The following AP2M1 variants were observed in gnomAD, a reference collection of about 807,000 sequenced individuals.
The protein encoded by AP2M1 is AP-2 complex subunit mu.
In AP2M1, 5 loss-of-function variants were observed where a neutral mutation model predicts 54.5. The observed-to-expected ratio is 0.09, with a 90% CI of 0.05 to 0.19. AP2M1 has a LOEUF of 0.19. AP2M1 is among the 10% of genes least tolerant of loss of function. AP2M1 has a pLI of 1.00. For synonymous variants in AP2M1, 186 were observed against 208.2 expected, an observed-to-expected ratio of 0.89 and a Z score of 0.92; for missense variants, 178 against 580.2, an observed-to-expected ratio of 0.31 and a Z score of 7.12.
At chr3:184,179,292 A>G in intron 3 of AP2M1, 170 bp downstream of exon 3, 1 of 794,660 alleles carries the variant, frequency 1.3e-6, no homozygotes, top group Non-Finnish European at 1.9e-6. Flanking sequence ...GCCAGTTCAC[A>G]TCCAGACCTG....
Position 184,183,006 on chromosome 3 carries a change from A to G in AP2M1, c.1173+138A>G, listed in dbSNP as rs746214925. ...AGAACTGGCTTTAATTCATAGATCCATTCTTCCCCTTTCAAGCCTCTTAGT... is the reference window on the plus strand; with the variant it reads ...AGAACTGGCTTTAATTCATAGATCCGTTCTTCCCCTTTCAAGCCTCTTAGT... On this transcript the variant is annotated intron_variant, in intron 11 of 11. Coordinates refer to ENST00000292807, the MANE Select transcript of AP2M1 (RefSeq NM_004068.4). This position sits in a 1 kb window ranked among gnomAD's most constrained non-coding sequence, Gnocchi z 5.7. 4 of 758,712 alleles carry G rather than the reference A, an allele frequency of 5.3e-6. No individual in the cohort carries two copies. The highest frequency in any genetic ancestry group is 4.0e-5 in the Admixed American group (2 of 49,434). The allele number at this position is 758,712 out of a possible 1,614,324, so 47.0% of individuals were successfully genotyped here.
At position 184,177,004 on chromosome 3, in the gene AP2M1, G is replaced by T. The variant is rs1715095763; in HGVS notation, c.11G>T (p.Gly4Val). 6.2e-7 allele frequency: 1 copy of T among 1,613,754 alleles called. No individual in the cohort carries two copies. The highest frequency in any genetic ancestry group is 1.3e-5 in the African/African-American group (1 of 74,924). ...GACTGATCTGCCGCCATGATTGGAG[G>T]CTTATTCATCTATAATCACAAGGGG... MIG[G>V]LFIYNHKGEV... The change falls in exon 2 of 12, where the codon GGC becomes GTC. Residue 4 changes from glycine to valine, a missense_variant. Transcript: ENST00000292807.
Position 184,181,919 on chromosome 3 carries a change from A to T in AP2M1, c.835A>T (p.Thr279Ser), listed in dbSNP as rs764346596. ...DGEFELMRYR[T>S]TKDIILPFRV... Reference sequence around the variant, plus strand: ...TGCTTCCCATCCCTTAAGGTATCGCACAACCAAGGACATCATCCTTCCCTT... The same window carrying T: ...TGCTTCCCATCCCTTAAGGTATCGCTCAACCAAGGACATCATCCTTCCCTT... Residue 279 changes from threonine (T) to serine (S), a missense_variant, in exon 9 of 12, where the codon ACA becomes TCA. Coordinates refer to ENST00000292807, the MANE Select transcript of AP2M1 (RefSeq NM_004068.4). This position sits in a 1 kb window ranked among gnomAD's most constrained non-coding sequence, Gnocchi z 5.7. The T allele has an allele frequency of 6.2e-7, 1 of 1,614,098 alleles. No homozygotes were observed. The highest frequency in any genetic ancestry group is 8.5e-7 in the Non-Finnish European group (1 of 1,179,958).
chr3:184,176,363 G>A (rs1470846322), intron 1 of AP2M1, among the ~76,000 whole-genome samples: 1 of 152,122 alleles, frequency 6.6e-6, no homozygotes, highest in Non-Finnish European at 1.5e-5. Context: ...CCACACTCCC[G>A]GGTCCACATT....
At position 184,177,449 on chromosome 3, in the gene AP2M1, T is replaced by G. The variant is rs1029387898; in HGVS notation, c.74+382T>G. The G allele has an allele frequency of 1.3e-5, 16 of 1,216,092 alleles. No individual in the cohort carries two copies. The African/African-American group carries it at 2.3e-4, about 17-fold the overall frequency. 75.3% of individuals were successfully genotyped at this position (1,216,092 alleles called of 1,614,324 possible). A position where few individuals can be genotyped will look rare whatever the true frequency, so the allele number is the denominator to read the frequency against. On this transcript the variant is annotated intron_variant, in intron 2 of 11. Coordinates refer to ENST00000292807, the MANE Select transcript of AP2M1 (RefSeq NM_004068.4). ...TGGAGGCACTAATCCATCTAAGCCTTGCTCTCAGAAGCCCTTCCCATATCA... is the reference window on the plus strand; with the variant it reads ...TGGAGGCACTAATCCATCTAAGCCTGGCTCTCAGAAGCCCTTCCCATATCA...
intron 2 of AP2M1, chr3:184,177,760 G>A (rs1221509049): frequency 6.8e-6 from 5 of 731,326 alleles, no homozygotes; most frequent in African/African-American, 1.8e-5. Context: ...TGTTCTTTGC[G>A]ACTGAAGGGA....
At position 184,181,231 on chromosome 3, in the gene AP2M1, C is replaced by A; in HGVS notation, c.707+5C>A. ...AGCTGATGAAACAAGCAAGAGGTGC[C>A]TGAGGCAGGAGAGCTGGTGGGAGAG... On this transcript the variant is annotated splice_donor_5th_base_variant and intron_variant, in intron 7 of 11. Transcript: ENST00000292807. The surrounding 1 kb of genome is among the most constrained non-coding windows in gnomAD (Gnocchi z 5.7). The A allele has an allele frequency of 6.2e-7, 1 of 1,613,892 alleles. No individual in the cohort carries two copies. Among genetic ancestry groups the A allele is most frequent in the South Asian group, 1.1e-5 (1 of 90,858 alleles).
chr3:184,175,459 G>A (rs1403020737), intron 1 of AP2M1, among the ~76,000 whole-genome samples: 4 of 151,906 alleles, frequency 2.6e-5, no homozygotes, highest in Non-Finnish European at 4.4e-5. Context: ...TTCCCACAAT[G>A]TCCTCCCCAA....
At chr3:184,177,130 G>A (rs1715100410) in intron 2 of AP2M1, 63 bp downstream of exon 2, 1 of 1,525,718 alleles carries the variant, frequency 6.6e-7, no homozygotes, top group Admixed American at 1.8e-5. Flanking sequence ...CAGCATACAG[G>A]ATTAGGTCTT....
intron 2 of AP2M1, chr3:184,177,824 T>C: frequency 1.7e-6 from 1 of 596,238 alleles, no homozygotes; most frequent in Non-Finnish European, 3.0e-6. Context: ...TCCTGCTGCC[T>C]GTTTTTCTTC....
At position 184,180,769 on chromosome 3, in the gene AP2M1, G is replaced by A. The variant is rs752568023; in HGVS notation, c.430-80G>A. 10 of 1,614,070 alleles carry A rather than the reference G, an allele frequency of 6.2e-6. No homozygotes were observed. Among genetic ancestry groups the A allele is most frequent in the Non-Finnish European group, 6.8e-6 (8 of 1,180,000 alleles). On this transcript the variant is annotated intron_variant, in intron 5 of 11. Coordinates refer to ENST00000292807, the MANE Select transcript of AP2M1 (RefSeq NM_004068.4). The surrounding 1 kb of genome is among the most constrained non-coding windows in gnomAD (Gnocchi z 4.9). ...GGGGACTAGAAGGGATGGGGAATGA[G>A]GGTGGAGTGGGGATAGAGACAGGAT...
chr3:184,175,367 C>T (rs768729149), intron 1 of AP2M1, among the ~76,000 whole-genome samples: 2 of 152,092 alleles, frequency 1.3e-5, no homozygotes, highest in Non-Finnish European at 2.9e-5. Context: ...CATGCGGCAC[C>T]CCCTCCTCTT....
rs1715091610 is a variant in AP2M1, at chr3:184,176,915, T to A, written c.-43-36T>A. Reference sequence around the variant, plus strand: ...CCACAGGGGATGTTGGCAGCGATTCTGAGGTCTTCTTTTACCCTGCCCCCG... The same window carrying A: ...CCACAGGGGATGTTGGCAGCGATTCAGAGGTCTTCTTTTACCCTGCCCCCG... On this transcript the variant is annotated intron_variant, in intron 1 of 11. Transcript: ENST00000292807. The A allele has an allele frequency of 2.0e-6, 3 of 1,463,866 alleles. No homozygotes were observed. The Admixed American group carries it at 5.8e-5, about 28-fold the overall frequency. The allele number at this position is 1,463,866 out of a possible 1,614,324, so 90.7% of individuals were successfully genotyped here. A position where few individuals can be genotyped will look rare whatever the true frequency, so the allele number is the denominator to read the frequency against.
At position 184,181,501 on chromosome 3, in the gene AP2M1, A is replaced by C. The variant is rs1385457732; in HGVS notation, c.708-195A>C. 2 of 863,284 alleles carry C rather than the reference A, an allele frequency of 2.3e-6. No homozygotes were observed. Among genetic ancestry groups the C allele is most frequent in the Non-Finnish European group, 3.5e-6 (2 of 574,034 alleles). 53.5% of individuals were successfully genotyped at this position (863,284 alleles called of 1,614,324 possible). On this transcript the variant is annotated intron_variant, in intron 7 of 11. Transcript: ENST00000292807. This position sits in a 1 kb window ranked among gnomAD's most constrained non-coding sequence, Gnocchi z 5.7. The stretch of plus-strand genomic sequence containing the variant: ...GTGTGCCTGAAACACCCAGGTCCCT[A>C]GCAGAAGGAGCCCCAAGAGATGAGC...
rs1228885385 is a variant in AP2M1 at position 184,181,388 on chromosome 3, G to A, written c.707+162G>A. ...CGCTCTTGACATTAGTGCTACGAGAGATGAGGGGATCGTCCTCAGAGAGCA... is the reference window on the plus strand; with the variant it reads ...CGCTCTTGACATTAGTGCTACGAGAAATGAGGGGATCGTCCTCAGAGAGCA... On this transcript the variant is annotated intron_variant, in intron 7 of 11. Transcript: ENST00000292807. The surrounding 1 kb of genome is among the most constrained non-coding windows in gnomAD (Gnocchi z 5.7). The A allele has an allele frequency of 7.1e-6, 8 of 1,121,310 alleles. No individual in the cohort carries two copies. The Admixed American group carries it at 1.7e-4, about 24-fold the overall frequency. The allele number at this position is 1,121,310 out of a possible 1,614,324, so 69.5% of individuals were successfully genotyped here. A position where few individuals can be genotyped will look rare whatever the true frequency, so the allele number is the denominator to read the frequency against.
chr3:184,182,265 T>C lies in AP2M1; in HGVS notation c.1061+17T>C. ...CGTGTGGAAGTGAGTCTTTCCTTCA[T>C]TAGGCCACAGCAGGGCTCAAGATCC... is the stretch of plus-strand genomic sequence containing the variant. On this transcript the variant is annotated intron_variant, in intron 10 of 11. Coordinates refer to ENST00000292807, the MANE Select transcript of AP2M1 (RefSeq NM_004068.4). This position sits in a 1 kb window ranked among gnomAD's most constrained non-coding sequence, Gnocchi z 5.5. 1.2e-6 allele frequency: 2 copies of C among 1,612,450 alleles called. No individual in the cohort carries two copies. Among genetic ancestry groups the C allele is most frequent in the Non-Finnish European group, 1.7e-6 (2 of 1,179,230 alleles).
chr3:184,182,324 C>T lies in AP2M1; in HGVS notation c.1061+76C>T. 1 of 1,480,646 alleles carries T rather than the reference C, an allele frequency of 6.8e-7. No individual in the cohort carries two copies. The highest frequency in any genetic ancestry group is 1.3e-5 in the South Asian group (1 of 78,616). The allele number at this position is 1,480,646 out of a possible 1,614,324, so 91.7% of individuals were successfully genotyped here. ...CCTCTTGTTTTCAGCTTTGATCCTTCTGAATGAGGGGCAGGGGAGTGTGCC... is the reference window on the plus strand; with the variant it reads ...CCTCTTGTTTTCAGCTTTGATCCTTTTGAATGAGGGGCAGGGGAGTGTGCC... On this transcript the variant is annotated intron_variant, in intron 10 of 11. Transcript: ENST00000292807. This position sits in a 1 kb window ranked among gnomAD's most constrained non-coding sequence, Gnocchi z 5.5.
At position 184,181,308 on chromosome 3, in the gene AP2M1, G is replaced by C; in HGVS notation, c.707+82G>C. On this transcript the variant is annotated intron_variant, in intron 7 of 11. Coordinates refer to ENST00000292807, the MANE Select transcript of AP2M1 (RefSeq NM_004068.4). The surrounding 1 kb of genome is among the most constrained non-coding windows in gnomAD (Gnocchi z 5.7). ...TCTAGTGAACCACAAGTTTCTTCTG[G>C]ATTTCATTCCCACTGTAATTGCAAA... The C allele has an allele frequency of 6.3e-7, 1 of 1,579,488 alleles. No individual in the cohort carries two copies. Among genetic ancestry groups the C allele is most frequent in the Non-Finnish European group, 8.6e-7 (1 of 1,158,432 alleles).
In AP2M1 at chr3:184,179,068, A is replaced by T; in HGVS notation, c.286A>T (p.Ile96Phe). 1 of 1,614,172 alleles carries T rather than the reference A, an allele frequency of 6.2e-7. No homozygotes were observed. The highest frequency in any genetic ancestry group is 8.5e-7 in the Non-Finnish European group (1 of 1,180,030). ...CDVMAAYFGK[I>F]SEENIKNNFV... ...CGTGATGGCTGCCTACTTTGGCAAG[A>T]TCAGCGAGGAAAACATCAAGAACAA... is the stretch of plus-strand genomic sequence containing the variant. The change falls in exon 3 of 12, where the codon ATC becomes TTC. Residue 96 changes from isoleucine (I) to phenylalanine (F), a missense_variant. By Grantham distance (21) the Ile-to-Phe change is conservative. Around this residue, in one of 5 missense-constraint regions of AP2M1, gnomAD observed 115 missense variants for 331.2 expected, o/e 0.35. Coordinates refer to ENST00000292807, the MANE Select transcript of AP2M1 (RefSeq NM_004068.4).
Sources: gnomAD v4.1 joint callset for allele counts (sites outside exome capture counted in the v4.1 genomes callset) on GRCh38, gnomAD v4.1.1 for gene constraint, gnomAD v4.1.1 regional missense constraint, Gnocchi (gnomAD v3.1) non-coding constraint, MANE v1.5 for transcripts, NCBI Gene and HGNC (gene_info 2026-07-23, HGNC 2026-07-21) for gene names.